Variants in DNAAF3 observed in about 807,000 individuals in gnomAD.
The protein encoded by DNAAF3 is UPF0470 protein C19orf51.
A neutral mutation model predicts 50.9 loss-of-function variants in DNAAF3; 40 were observed. That is an observed-to-expected ratio of 0.79 (90% CI 0.61 to 1.02). DNAAF3 has a LOEUF of 1.02. Among genes scored for constraint, DNAAF3 ranks in the 50% least tolerant of loss-of-function variants. The pLI is 0.00. For synonymous variants in DNAAF3, 327 were observed against 322.8 expected (o/e 1.01, Z -0.14); for missense variants, 763 against 744.7 (o/e 1.02, Z -0.29).
chr19:55,164,106 C>T (rs909564892), intron 4 of DNAAF3, among the ~76,000 whole-genome samples: 2 of 152,306 alleles, frequency 1.3e-5, no homozygotes, highest in South Asian at 4.1e-4. Context: ...TCCCCTTCGC[C>T]TCCTGTCATG....
In DNAAF3 at chr19:55,161,191, GA is replaced by G; in HGVS notation, c.790-5del. 2.5e-6 allele frequency: 4 copies of G among 1,578,154 alleles called. No individual in the cohort carries two copies. Among genetic ancestry groups the G allele is most frequent in the East Asian group, 2.3e-5 (1 of 42,790 alleles). ...GCGCTGCCACGCGCTCCCCACGCTGGAAAAGGAGGGAGAGAGGAGGCAGGTG... is the reference window on the plus strand; with the variant it reads ...GCGCTGCCACGCGCTCCCCACGCTGGAAAGGAGGGAGAGAGGAGGCAGGTG... On this transcript the variant is annotated splice_region_variant and splice_polypyrimidine_tract_variant and intron_variant, in intron 7 of 11. Transcript: ENST00000524407. This position sits in a 1 kb window ranked among gnomAD's most constrained non-coding sequence, Gnocchi z 6.4.
Position 55,161,205 on chromosome 19 carries a change from G to C in DNAAF3, c.790-18C>G, listed in dbSNP as rs747022119. The C allele has an allele frequency of 2.5e-6, 4 of 1,583,988 alleles. No homozygotes were observed. In the African/African-American group the frequency reaches 5.4e-5, roughly 21 times the overall value. On this transcript the variant is annotated intron_variant, in intron 7 of 11. Transcript: ENST00000524407. This position sits in a 1 kb window ranked among gnomAD's most constrained non-coding sequence, Gnocchi z 6.4. The stretch of plus-strand genomic sequence containing the variant: ...TCCCCACGCTGGAAAAGGAGGGAGA[G>C]AGGAGGCAGGTGAGGTCGATGTTGG...
At position 55,160,206 on chromosome 19, in the gene DNAAF3, AG is replaced by A. The variant is rs2147293020; in HGVS notation, c.1049-194del. The stretch of plus-strand genomic sequence containing the variant: ...AAAGTTCTGGGAAGGTCAGCCTGGC[AG>A]GCAGAGACTCACTGTACAGATCAGG... On this transcript the variant is annotated intron_variant, in intron 9 of 11. Transcript: ENST00000524407. This position sits in a 1 kb window ranked among gnomAD's most constrained non-coding sequence, Gnocchi z 4.7. 6.6e-6 allele frequency among the ~76,000 whole-genome samples: 1 copy of A among 152,366 alleles called. No homozygotes were observed. Among genetic ancestry groups the A allele is most frequent in the East Asian group, 1.9e-4 (1 of 5,182 alleles).
At position 55,160,529 on chromosome 19, in the gene DNAAF3, A is replaced by G; in HGVS notation, c.1048+111T>C. ...AGAAAGAGAGAAAAAGAGACAGAAT[A>G]TCAAGAAGCCGTCACTTGCCCAGGC... On this transcript the variant is annotated intron_variant, in intron 9 of 11. Coordinates refer to ENST00000524407, the MANE Select transcript of DNAAF3 (RefSeq NM_001256715.2). This position sits in a 1 kb window ranked among gnomAD's most constrained non-coding sequence, Gnocchi z 4.7. 3 of 1,545,176 alleles carry G rather than the reference A, an allele frequency of 1.9e-6. No individual in the cohort carries two copies. Among genetic ancestry groups the G allele is most frequent in the Non-Finnish European group, 1.8e-6 (2 of 1,139,636 alleles).
At chr19:55,165,290 T>C (rs566322077) in intron 4 of DNAAF3, 80 bp downstream of exon 4, 9 of 1,368,440 alleles carry the variant, frequency 6.6e-6, no homozygotes, top group South Asian at 3.5e-5. Flanking sequence ...AACTTTTTAA[T>C]TGTACCATTG....
In DNAAF3 at chr19:55,159,085, ACT is replaced by A. The variant is rs1293854195; in HGVS notation, c.1601_1602del (p.Glu534ValfsTer30). The A allele has an allele frequency of 6.2e-7, 1 of 1,600,402 alleles. No individual in the cohort carries two copies. The highest frequency in any genetic ancestry group is 8.5e-7 in the Non-Finnish European group (1 of 1,172,200). On this transcript the variant is annotated frameshift_variant, in exon 12 of 12. Transcript: ENST00000524407. LOFTEE classifies it low-confidence loss of function (END_TRUNC). ...GGTCAGACTCCAGTTTTGGAGTCTG[ACT>A]CACAGTTGGGCGGAGCCAAGGCCCC... ...PQGALAPPNC[E>X]SDSKTGV
At position 55,159,285 on chromosome 19, in the gene DNAAF3, G is replaced by A; in HGVS notation, c.1403C>T (p.Ala468Val). The A allele has an allele frequency of 6.2e-7, 1 of 1,614,124 alleles. No individual in the cohort carries two copies. Among genetic ancestry groups the A allele is most frequent in the South Asian group, 1.1e-5 (1 of 91,090 alleles). Residue 468 changes from alanine to valine, a missense_variant, in exon 12 of 12, where the codon GCT (alanine) becomes GTT (valine). Coordinates refer to ENST00000524407, the MANE Select transcript of DNAAF3 (RefSeq NM_001256715.2). ...AAGGGGCGGAGTTCCGGGTTCCACA[G>A]CTGGGACAGTGTTGCCCAGAGCTGA... is the stretch of plus-strand genomic sequence containing the variant. ...QESALGNTVP[A>V]VEPGTPPLDI...
rs956079633 is a variant in DNAAF3, at chr19:55,160,991, T to C, written c.912+74A>G. The C allele has an allele frequency of 1.0e-5, 15 of 1,476,252 alleles. No homozygotes were observed. The highest frequency in any genetic ancestry group is 1.3e-5 in the Non-Finnish European group (15 of 1,116,056). 91.4% of individuals were successfully genotyped at this position (1,476,252 alleles called of 1,614,324 possible). ...GTCTGGAGCTGGGGGCGGGGCCTGC[T>C]GTGGGGGCGGGGCCTTGCGCACCCA... On this transcript the variant is annotated intron_variant, in intron 8 of 11. Coordinates refer to ENST00000524407, the MANE Select transcript of DNAAF3 (RefSeq NM_001256715.2). The surrounding 1 kb of genome is among the most constrained non-coding windows in gnomAD (Gnocchi z 4.7).
chr19:55,165,521 A>G, intron 3 of DNAAF3, 58 bp from the exon 4 acceptor site: 1 of 1,564,344 alleles, frequency 6.4e-7, no homozygotes, highest in East Asian at 2.2e-5. Context: ...GTCCTAGGAG[A>G]CCCAGGAGAG....
intron 4 of DNAAF3, chr19:55,162,547 T>C: frequency 1.2e-6 from 1 of 859,462 alleles, no homozygotes; most frequent in Non-Finnish European, 1.5e-6. Context: ...GATCATGCCA[T>C]TGCACTCCAG....
At chr19:55,164,252 G>T (rs553447305) in intron 4 of DNAAF3, among the ~76,000 whole-genome samples, 1 of 152,124 alleles carries the variant, frequency 6.6e-6, no homozygotes, top group Non-Finnish European at 1.5e-5. Context: ...AGGCCAAGGC[G>T]GGCGGATCAC....
chr19:55,161,472 C>T lies in DNAAF3; in HGVS notation c.664-54G>A. Reference sequence around the variant, plus strand: ...CCTCAGTGAACCGAGCGTGGAGAGACCCCTACACCAGCCTCCCTCAGACCC... The same window carrying T: ...CCTCAGTGAACCGAGCGTGGAGAGATCCCTACACCAGCCTCCCTCAGACCC... On this transcript the variant is annotated intron_variant, in intron 6 of 11. Coordinates refer to ENST00000524407, the MANE Select transcript of DNAAF3 (RefSeq NM_001256715.2). The surrounding 1 kb of genome is among the most constrained non-coding windows in gnomAD (Gnocchi z 6.4). 1.3e-6 allele frequency: 2 copies of T among 1,550,228 alleles called. No individual in the cohort carries two copies. Among genetic ancestry groups the T allele is most frequent in the South Asian group, 2.4e-5 (2 of 82,306 alleles).
Position 55,161,898 on chromosome 19 carries a change from C to A in DNAAF3, c.481-73G>T. 1.5e-6 allele frequency: 2 copies of A among 1,368,178 alleles called. No individual in the cohort carries two copies. The highest frequency in any genetic ancestry group is 1.9e-6 in the Non-Finnish European group (2 of 1,062,310). 84.8% of individuals were successfully genotyped at this position (1,368,178 alleles called of 1,614,324 possible). On this transcript the variant is annotated intron_variant, in intron 5 of 11. Transcript: ENST00000524407. This position sits in a 1 kb window ranked among gnomAD's most constrained non-coding sequence, Gnocchi z 6.4. ...CAGGGAGAGCGGATTCTAATTGACC[C>A]TCTCTTCCATCCCAGAACAGGGGAA...
At position 55,161,483 on chromosome 19, in the gene DNAAF3, G is replaced by A. The variant is rs2085830995; in HGVS notation, c.664-65C>T. ...CGAGCGTGGAGAGACCCCTACACCAGCCTCCCTCAGACCCAGGAGTCCAGG... is the reference window on the plus strand; with the variant it reads ...CGAGCGTGGAGAGACCCCTACACCAACCTCCCTCAGACCCAGGAGTCCAGG... On this transcript the variant is annotated intron_variant, in intron 6 of 11. Transcript: ENST00000524407. The surrounding 1 kb of genome is among the most constrained non-coding windows in gnomAD (Gnocchi z 6.4). The A allele has an allele frequency of 1.3e-6, 2 of 1,535,000 alleles. No homozygotes were observed. Among genetic ancestry groups the A allele is most frequent in the South Asian group, 1.3e-5 (1 of 79,360 alleles).
At chr19:55,162,375 C>T in intron 4 of DNAAF3, 85 bp from the exon 5 acceptor site, 1 of 1,226,652 alleles carries the variant, frequency 8.2e-7, no homozygotes, top group South Asian at 4.2e-5. Flanking sequence ...ATGTCATAGT[C>T]ATCTAATGAA....
chr19:55,166,419 T>C lies in DNAAF3; in HGVS notation c.-4-2A>G. On this transcript the variant is annotated splice_acceptor_variant, in intron 1 of 11. Coordinates refer to ENST00000524407, the MANE Select transcript of DNAAF3 (RefSeq NM_001256715.2). LOFTEE classifies it low-confidence loss of function (5UTR_SPLICE). The surrounding 1 kb of genome is among the most constrained non-coding windows in gnomAD (Gnocchi z 4.0). ...GAGCCGGCAGGTGTGGTCATCACCC[T>C]GCGGAAAAGACATTCTGGGAATCGC... 6.2e-7 allele frequency: 1 copy of C among 1,613,916 alleles called. No homozygotes were observed. Among genetic ancestry groups the C allele is most frequent in the Non-Finnish European group, 8.5e-7 (1 of 1,179,874 alleles).
In DNAAF3 at chr19:55,166,203, C is replaced by G; in HGVS notation, c.85+126G>C. The G allele has an allele frequency of 6.5e-7, 1 of 1,547,538 alleles. No individual in the cohort carries two copies. The highest frequency in any genetic ancestry group is 8.7e-7 in the Non-Finnish European group (1 of 1,146,336). ...GCTGCCCCTGGGAGCGCGCCCTCTG[C>G]CGCTGGAGCGTTGGAGAACGTTAGC... On this transcript the variant is annotated intron_variant, in intron 2 of 11. Coordinates refer to ENST00000524407, the MANE Select transcript of DNAAF3 (RefSeq NM_001256715.2). This position sits in a 1 kb window ranked among gnomAD's most constrained non-coding sequence, Gnocchi z 4.0.
At chr19:55,163,394 G>A (rs1236796780) in intron 4 of DNAAF3, among the ~76,000 whole-genome samples, 1 of 146,684 alleles carries the variant, frequency 6.8e-6, no homozygotes, top group East Asian at 2.0e-4. Flanking sequence ...TCCTGACCTC[G>A]TGATCTGCCT....
At chr19:55,163,515 C>T (rs190471190) in intron 4 of DNAAF3, among the ~76,000 whole-genome samples, 105 of 151,312 alleles carry the variant, frequency 6.9e-4, no homozygotes, top group Middle Eastern at 3.4e-3. Context: ...CAGTCTCAAA[C>T]TCGTGGTCTC....
Sources: gnomAD v4.1 joint callset for allele counts (sites outside exome capture counted in the v4.1 genomes callset) on GRCh38, gnomAD v4.1.1 for gene constraint, Gnocchi (gnomAD v3.1) non-coding constraint, MANE v1.5 for transcripts, NCBI Gene and HGNC (gene_info 2026-07-23, HGNC 2026-07-21) for gene names.